CPA6: variants seen among roughly 807,000 people sequenced by gnomAD.
CPA6 encodes the protein carboxypeptidase A6.
Under a neutral mutation model 63.3 loss-of-function variants are expected in CPA6, and 58 were observed. The ratio of observed to expected loss-of-function variants is 0.92; its 90% CI spans 0.74 to 1.14. The LOEUF (loss-of-function observed/expected upper bound fraction) is 1.14. Among genes scored for constraint, CPA6 ranks in the 50% most tolerant of loss-of-function variants. The pLI, the probability that CPA6 is intolerant of heterozygous loss-of-function variation, is 0.00. For synonymous variants in CPA6, 185 were observed against 179.0 expected (o/e 1.03, Z -0.27); for missense variants, 565 against 526.6 (o/e 1.07, Z -0.71).
At chr8:67,478,712 A>G (rs958374636) in intron 8 of CPA6, among the ~76,000 whole-genome samples, 22 of 152,230 alleles carry the variant, frequency 1.4e-4, no homozygotes, top group African/African-American at 3.9e-4. Context: ...GGCAGATCCA[A>G]TTCCACAAAT....
chr8:67,538,416 A>G (rs1421161031), intron 2 of CPA6, among the ~76,000 whole-genome samples: 1 of 148,044 alleles, frequency 6.8e-6, no homozygotes, highest in Non-Finnish European at 1.5e-5. Context: ...TTCTTGTTGT[A>G]TTGATCCCTT....
intron 2 of CPA6, among the ~76,000 whole-genome samples, chr8:67,579,181 T>C (rs1293156902): frequency 1.3e-5 from 2 of 152,092 alleles, no homozygotes; most frequent in African/African-American, 4.8e-5. Context: ...GAGGTCGAAG[T>C]AGGCGGATCA....
At position 67,736,662 on chromosome 8, in the gene CPA6, G is replaced by A. The variant is rs989115118; in HGVS notation, c.116+9352C>T. Among the ~76,000 whole-genome samples the A allele has an allele frequency of 3.9e-5, 6 of 152,100 alleles. No homozygotes were observed. The East Asian group carries it at 1.2e-3, about 29-fold the overall frequency. On this transcript the variant is annotated intron_variant, in intron 1 of 10. Transcript: ENST00000297770. Reference sequence around the variant, plus strand: ...CTTTTCATGTAATGAGTTCTTCCAGGGTACTCCATCCTATACCAAAGGTTT... The same window carrying A: ...CTTTTCATGTAATGAGTTCTTCCAGAGTACTCCATCCTATACCAAAGGTTT...
At chr8:67,610,129 C>T (rs564038919) in intron 2 of CPA6, among the ~76,000 whole-genome samples, 1 of 152,346 alleles carries the variant, frequency 6.6e-6, no homozygotes. Flanking sequence ...AATCCCAGTG[C>T]TTCAGGAGGC....
intron 1 of CPA6, among the ~76,000 whole-genome samples, chr8:67,633,763 G>A (rs1815400090): frequency 6.6e-6 from 1 of 151,588 alleles, no homozygotes; most frequent in Non-Finnish European, 1.5e-5. Flanking sequence ...CTGTGTATTA[G>A]TGATTTTTTT....
At chr8:67,468,337 C>A (rs894925111) in intron 8 of CPA6, among the ~76,000 whole-genome samples, 3 of 151,848 alleles carry the variant, frequency 2.0e-5, no homozygotes, top group South Asian at 2.1e-4. Flanking sequence ...AATCCCAGCA[C>A]TTTGGGAGGC....
intron 5 of CPA6, among the ~76,000 whole-genome samples, chr8:67,508,404 G>GCCT (rs1265119767): frequency 1.3e-5 from 2 of 152,122 alleles, no homozygotes; most frequent in Admixed American, 1.3e-4. Context: ...AGAGTGTCAA[G>GCCT]CAGGCAATGG....
At chr8:67,708,019 T>C (rs1160666646) in intron 1 of CPA6, among the ~76,000 whole-genome samples, 1 of 152,148 alleles carries the variant, frequency 6.6e-6, no homozygotes, top group Non-Finnish European at 1.5e-5. Flanking sequence ...GTTTCTGACC[T>C]GTGACAAGTA....
At chr8:67,517,061 T>A (rs563323196) in intron 3 of CPA6, among the ~76,000 whole-genome samples, 2 of 152,048 alleles carry the variant, frequency 1.3e-5, no homozygotes, top group Admixed American at 1.3e-4. Flanking sequence ...CCTCCCAAAG[T>A]CTGGGATTCC....
intron 8 of CPA6, among the ~76,000 whole-genome samples, chr8:67,440,267 TAAAG>T (rs764188737): frequency 2.0e-5 from 3 of 152,050 alleles, no homozygotes; most frequent in East Asian, 1.9e-4. Context: ...ATGTATCACT[TAAAG>T]AAAGACATAT....
intron 2 of CPA6, among the ~76,000 whole-genome samples, chr8:67,540,132 G>A (rs897766241): frequency 5.3e-5 from 8 of 151,632 alleles, no homozygotes; most frequent in Middle Eastern, 3.4e-3. Flanking sequence ...CCTCATTCTC[G>A]TGGATTTATC....
chr8:67,475,879 CTCCT>C (rs1554666569), intron 8 of CPA6, among the ~76,000 whole-genome samples: 2 of 45,104 alleles, frequency 4.4e-5, no homozygotes, highest in Admixed American at 2.6e-4. Context: ...TTCTTTCTTT[CTCCT>C]TTCTTTCTTT....
chr8:67,654,913 A>G (rs1343716486), intron 1 of CPA6, among the ~76,000 whole-genome samples: 1 of 152,140 alleles, frequency 6.6e-6, no homozygotes, highest in Admixed American at 6.6e-5. Flanking sequence ...ATAGCTTTCT[A>G]TTGCTCGCTC....
intron 1 of CPA6, among the ~76,000 whole-genome samples, chr8:67,706,252 C>T (rs573152213): frequency 1.3e-5 from 2 of 152,320 alleles, no homozygotes; most frequent in African/African-American, 4.8e-5. Flanking sequence ...TGTGGACATA[C>T]ACAGTTTGCC....
At chr8:67,650,908 C>T (rs1456597850) in intron 1 of CPA6, among the ~76,000 whole-genome samples, 1 of 152,098 alleles carries the variant, frequency 6.6e-6, no homozygotes, top group African/African-American at 2.4e-5. Flanking sequence ...CAGGCTCCTA[C>T]AAGCCAAAGC....
At chr8:67,477,768 C>T (rs149050181) in intron 8 of CPA6, among the ~76,000 whole-genome samples, 2,049 of 152,314 alleles carry the variant, frequency 0.013, 29 homozygotes, top group Middle Eastern at 0.051. Flanking sequence ...GAAATTCACT[C>T]TTCTAAGGCA....
chr8:67,509,754 A>G, intron 4 of CPA6, 136 bp from the exon 5 acceptor site: 2 of 481,754 alleles, frequency 4.2e-6, no homozygotes, highest in Non-Finnish European at 7.5e-6. Context: ...TGAACAAAAA[A>G]CCTACTTCTT....
At chr8:67,519,335 C>G (rs1474873631) in intron 2 of CPA6, among the ~76,000 whole-genome samples, 1 of 152,166 alleles carries the variant, frequency 6.6e-6, no homozygotes, top group African/African-American at 2.4e-5. Flanking sequence ...CACAGTCCTG[C>G]CTCTGTCTAC....
rs191426141 is a variant in CPA6 at position 67,742,696 on chromosome 8, C to G, written c.116+3318G>C. Among the ~76,000 whole-genome samples, 3 of 152,214 alleles carry G rather than the reference C, an allele frequency of 2.0e-5. No homozygotes were observed. In the East Asian group the frequency reaches 5.8e-4, roughly 29 times the overall value. On this transcript the variant is annotated intron_variant, in intron 1 of 10. Transcript: ENST00000297770. ...GAAGGTCTAATATTACCTCCATTGT[C>G]CAAGATAAGGAAACCTCAGTTTAAG...
Sources: allele counts gnomAD v4.1 joint callset (sites outside exome capture counted in the v4.1 genomes callset), GRCh38; gene constraint gnomAD v4.1.1; transcripts MANE v1.5; gene names NCBI Gene and HGNC (gene_info 2026-07-23, HGNC 2026-07-21).